The following MOV10L1 variants were observed in gnomAD, a reference collection of about 807,000 sequenced individuals.
MOV10L1 encodes RNA helicase Mov10l1.
In MOV10L1, 110 loss-of-function variants were observed where a neutral mutation model predicts 143.8. The observed-to-expected ratio is 0.76, with a 90% CI of 0.66 to 0.90. MOV10L1 has a LOEUF of 0.90. Ranked by LOEUF, MOV10L1 falls within the 40% of genes least tolerant of loss-of-function variation. The probability of loss-of-function intolerance (pLI) is 0.00; values close to 1 mark genes in which losing one functional copy is unlikely to be tolerated. For synonymous variants in MOV10L1, 593 were observed against 581.1 expected, an observed-to-expected ratio of 1.02 and a Z score of -0.29; for missense variants, 1,406 against 1,526.8, an observed-to-expected ratio of 0.92 and a Z score of 1.32.
chr22:50,107,948 T>C (rs561725965), intron 3 of MOV10L1, among the ~76,000 whole-genome samples, 188 bp from the exon 4 acceptor site: 2 of 152,230 alleles, frequency 1.3e-5, no homozygotes, highest in Non-Finnish European at 2.9e-5. Flanking sequence ...CAGCTCATTT[T>C]ATTGCAGTGG....
chr22:50,098,280 CT>C (rs1243515884), intron 2 of MOV10L1, among the ~76,000 whole-genome samples: 1 of 91,692 alleles, frequency 1.1e-5, no homozygotes, highest in African/African-American at 3.0e-5. Flanking sequence ...CACATAATCA[CT>C]TTGAGTAGTA....
At position 50,117,274 on chromosome 22, in the gene MOV10L1, AT is replaced by A; in HGVS notation, c.1381del (p.Ser461LeufsTer11). 3 of 1,614,092 alleles carry A rather than the reference AT, an allele frequency of 1.9e-6. No homozygotes were observed. The highest frequency in any genetic ancestry group is 2.5e-6 in the Non-Finnish European group (3 of 1,180,022). Reference protein sequence around the residue: ...EESLIAAREPFSWKKLKSSQA... With the variant: ...EESLIAAREPXSWKKLKSSQA... ...AGTCACTAATTGCTGCGCGCGAACC[AT>A]TTTCTTGGAAAAAGCTTAAAAGTTC... On this transcript the variant is annotated frameshift_variant, in exon 9 of 27. Coordinates refer to ENST00000262794, the MANE Select transcript of MOV10L1 (RefSeq NM_018995.3). LOFTEE classifies it high-confidence loss of function.
chr22:50,154,081 G>C (rs920301104), intron 22 of MOV10L1, among the ~76,000 whole-genome samples: 2 of 152,230 alleles, frequency 1.3e-5, no homozygotes, highest in African/African-American at 4.8e-5. Context: ...GGTGGGATGG[G>C]ATATGTGTAT....
chr22:50,134,090 G>A, intron 14 of MOV10L1, 25 bp downstream of exon 14: 1 of 1,572,334 alleles, frequency 6.4e-7, no homozygotes, highest in Non-Finnish European at 8.7e-7. Context: ...GAATGATAGT[G>A]TTACATCTTC....
At chr22:50,147,905 C>G (rs1037985906) in intron 19 of MOV10L1, among the ~76,000 whole-genome samples, 1 of 152,222 alleles carries the variant, frequency 6.6e-6, no homozygotes, top group Non-Finnish European at 1.5e-5. Flanking sequence ...TTGAGAGTTA[C>G]ACATTGATAC....
At position 50,161,543 on chromosome 22, in the gene MOV10L1, C is replaced by A; in HGVS notation, c.*94C>A. On this transcript the variant is annotated 3_prime_UTR_variant, in exon 27 of 27. Coordinates refer to ENST00000262794, the MANE Select transcript of MOV10L1 (RefSeq NM_018995.3). Reference sequence around the variant, plus strand: ...TGGCTCCTGTGGCCTGCCCTTGTCTCGCAGCCAGGCAGGGTCGTGTGTGGG... The same window carrying A: ...TGGCTCCTGTGGCCTGCCCTTGTCTAGCAGCCAGGCAGGGTCGTGTGTGGG... 1 of 1,268,694 alleles carries A rather than the reference C, an allele frequency of 7.9e-7. No homozygotes were observed. Among genetic ancestry groups the A allele is most frequent in the Non-Finnish European group, 1.1e-6 (1 of 917,780 alleles). The allele number at this position is 1,268,694 out of a possible 1,614,324, so 78.6% of individuals were successfully genotyped here.
Position 50,093,449 on chromosome 22 carries a change from T to C in MOV10L1, c.282+1264T>C, listed in dbSNP as rs1335734553. The C allele has an allele frequency of 8.5e-5, 13 of 152,204 alleles. 1 individual carries two copies. The allele number at this position is 152,204 out of a possible 1,614,324, so 9.4% of individuals were successfully genotyped here. A position where few individuals can be genotyped will look rare whatever the true frequency, so the allele number is the denominator to read the frequency against. ...CTGTAAGAAGCCTTAGGGAGGCTTA[T>C]TCCACTTCTTATTCCTAATATTCAA... is the stretch of plus-strand genomic sequence containing the variant. On this transcript the variant is annotated intron_variant, in intron 2 of 26. Transcript: ENST00000262794.
Position 50,117,282 on chromosome 22 carries a change from G to C in MOV10L1, c.1385G>C (p.Trp462Ser). The C allele has an allele frequency of 6.2e-7, 1 of 1,614,084 alleles. No individual in the cohort carries two copies. Among genetic ancestry groups the C allele is most frequent in the East Asian group, 2.2e-5 (1 of 44,874 alleles). Residue 462 changes from tryptophan to serine, a missense_variant, in exon 9 of 27, where the codon TGG (tryptophan) becomes TCG (serine). Transcript: ENST00000262794. ...SLIAAREPFSWKKLKSSQALT... is the reference protein window; with the variant it reads ...SLIAAREPFSSKKLKSSQALT... ...ATTGCTGCGCGCGAACCATTTTCTT[G>C]GAAAAAGCTTAAAAGTTCACAAGCG...
intron 10 of MOV10L1, among the ~76,000 whole-genome samples, chr22:50,122,087 G>A (rs1398092320): frequency 1.3e-5 from 2 of 152,024 alleles, no homozygotes; most frequent in African/African-American, 4.8e-5. Flanking sequence ...CACTGCACCC[G>A]GCCTGTCATT....
chr22:50,148,565 C>G (rs1471536359), intron 19 of MOV10L1, among the ~76,000 whole-genome samples: 1 of 152,200 alleles, frequency 6.6e-6, no homozygotes, highest in Admixed American at 6.5e-5. Context: ...GGACAGGTAC[C>G]CGCCAGGAGG....
chr22:50,093,684 A>T (rs1328184109), intron 2 of MOV10L1: 1 of 151,946 alleles, frequency 6.6e-6, no homozygotes, highest in African/African-American at 2.4e-5. Context: ...AATTTTTAAA[A>T]TTTTTTTGTA....
chr22:50,111,990 A>T (rs1172277643), intron 5 of MOV10L1, among the ~76,000 whole-genome samples: 1 of 152,118 alleles, frequency 6.6e-6, no homozygotes, highest in Non-Finnish European at 1.5e-5. Flanking sequence ...CCCTGTGTGA[A>T]CTGAGCCACA....
chr22:50,092,249 T>C, intron 2 of MOV10L1, 64 bp downstream of exon 2: 2 of 1,477,088 alleles, frequency 1.4e-6, no homozygotes, highest in Non-Finnish European at 1.9e-6. Flanking sequence ...TGTTTTTCCT[T>C]GTGTTTAATC....
At chr22:50,105,864 A>G (rs1047450370) in intron 3 of MOV10L1, among the ~76,000 whole-genome samples, 7 of 152,130 alleles carry the variant, frequency 4.6e-5, no homozygotes, top group Middle Eastern at 3.2e-3. Context: ...GCATGTATGT[A>G]TGTCATAGAA....
chr22:50,148,583 T>C (rs561418126), intron 19 of MOV10L1, among the ~76,000 whole-genome samples: 3 of 152,146 alleles, frequency 2.0e-5, no homozygotes, highest in African/African-American at 7.2e-5. Context: ...AGGGCTGCTC[T>C]GTAGCTGGGA....
chr22:50,125,610 G>A (rs781351478), intron 11 of MOV10L1, 41 bp downstream of exon 11: 10 of 1,578,796 alleles, frequency 6.3e-6, no homozygotes, highest in Non-Finnish European at 8.7e-6. Flanking sequence ...TGGACTAGCA[G>A]AGAAACCATA....
At chr22:50,119,436 C>T (rs2062274888) in intron 9 of MOV10L1, among the ~76,000 whole-genome samples, 1 of 152,062 alleles carries the variant, frequency 6.6e-6, no homozygotes, top group Non-Finnish European at 1.5e-5. Flanking sequence ...TTAGCTAGAG[C>T]AGAGTGTTCA....
intron 9 of MOV10L1, among the ~76,000 whole-genome samples, chr22:50,120,154 A>G (rs996888396): frequency 6.6e-6 from 1 of 152,166 alleles, no homozygotes; most frequent in East Asian, 1.9e-4. Context: ...CCTGATGTCA[A>G]ATATAGTAGG....
chr22:50,106,937 A>G (rs2061885374), intron 3 of MOV10L1, among the ~76,000 whole-genome samples: 1 of 150,838 alleles, frequency 6.6e-6, no homozygotes, highest in African/African-American at 2.4e-5. Flanking sequence ...TCCTGACCTC[A>G]TGATCCACCC....
Sources: allele counts gnomAD v4.1 joint callset (sites outside exome capture counted in the v4.1 genomes callset), GRCh38; gene constraint gnomAD v4.1.1; transcripts MANE v1.5; gene names NCBI Gene and HGNC (gene_info 2026-07-23, HGNC 2026-07-21).